The following STPG2 variants were observed in gnomAD, a reference collection of about 807,000 sequenced individuals.
The protein encoded by STPG2 is sperm-tail PG-rich repeat-containing protein 2.
A neutral mutation model predicts 54.2 loss-of-function variants in STPG2; 56 were observed. The ratio of observed to expected loss-of-function variants is 1.03; its 90% CI spans 0.83 to 1.29. The LOEUF (loss-of-function observed/expected upper bound fraction) is 1.29. STPG2 is among the 50% of genes most tolerant of loss of function. The pLI is 0.00. For missense variants in STPG2, 596 were observed against 544.9 expected, an observed-to-expected ratio of 1.09 and a Z score of -0.93; for synonymous variants, 200 against 181.8, an observed-to-expected ratio of 1.10 and a Z score of -0.81.
At chr4:97,464,471 C>T (rs1055758245) in intron 4 of STPG2, among the ~76,000 whole-genome samples, 1 of 152,114 alleles carries the variant, frequency 6.6e-6, no homozygotes, top group Non-Finnish European at 1.5e-5. Flanking sequence ...GGTTGGAGTG[C>T]AGTGGTGTGA....
At chr4:97,503,084 G>C (rs1265066990) in intron 4 of STPG2, among the ~76,000 whole-genome samples, 2 of 151,934 alleles carry the variant, frequency 1.3e-5, no homozygotes, top group Non-Finnish European at 2.9e-5. Context: ...ATTATAATAG[G>C]ATTATAAATA....
chr4:97,908,743 T>C (rs1731552511), intron 8 of STPG2, among the ~76,000 whole-genome samples: 1 of 151,428 alleles, frequency 6.6e-6, no homozygotes, highest in African/African-American at 2.4e-5. Context: ...GAAATCATCA[T>C]TCTCAGTAAA....
intron 5 of STPG2, among the ~76,000 whole-genome samples, chr4:98,023,570 G>C (rs1578791366): frequency 6.6e-6 from 1 of 152,176 alleles, no homozygotes; most frequent in Non-Finnish European, 1.5e-5. Context: ...TGTCAGACGG[G>C]GACATTTAAG....
At chr4:97,713,017 T>C (rs1724173571) in intron 9 of STPG2, among the ~76,000 whole-genome samples, 1 of 152,196 alleles carries the variant, frequency 6.6e-6, no homozygotes, top group Admixed American at 6.5e-5. Flanking sequence ...GTTTACCTAA[T>C]AATTAAATAT....
At chr4:97,615,618 C>A (rs1281068063) in intron 10 of STPG2, among the ~76,000 whole-genome samples, 3 of 151,820 alleles carry the variant, frequency 2.0e-5, no homozygotes, top group Non-Finnish European at 2.9e-5. Flanking sequence ...TACCATGGTA[C>A]ATGATATGAT....
At chr4:97,882,984 C>T (rs201606990) in intron 8 of STPG2, among the ~76,000 whole-genome samples, 1 of 113,014 alleles carries the variant, frequency 8.8e-6, no homozygotes, top group Non-Finnish European at 2.0e-5. Flanking sequence ...CATACACACA[C>T]ACACACACAC....
chr4:97,444,427 A>G (rs1729167721), intron 4 of STPG2, among the ~76,000 whole-genome samples: 2 of 152,188 alleles, frequency 1.3e-5, no homozygotes. Context: ...CATTACCTTC[A>G]AAGGAAAGAC....
At chr4:97,636,741 G>C (rs923801241) in intron 10 of STPG2, among the ~76,000 whole-genome samples, 1 of 152,172 alleles carries the variant, frequency 6.6e-6, no homozygotes, top group Non-Finnish European at 1.5e-5. Context: ...AGAAAATCTA[G>C]AAGAAATGGA....
At chr4:98,017,210 C>G (rs529520582) in intron 5 of STPG2, among the ~76,000 whole-genome samples, 78 of 152,346 alleles carry the variant, frequency 5.1e-4, no homozygotes, top group Middle Eastern at 3.4e-3. Flanking sequence ...CAAGTACCGG[C>G]TTTTTGCCTG....
At chr4:97,751,024 C>T (rs1424382942) in intron 9 of STPG2, among the ~76,000 whole-genome samples, 1 of 151,820 alleles carries the variant, frequency 6.6e-6, no homozygotes, top group Admixed American at 6.6e-5. Context: ...AGTGTTCACA[C>T]AGCAGGTCTG....
intron 7 of STPG2, among the ~76,000 whole-genome samples, chr4:97,956,884 A>G (rs1733693332): frequency 6.6e-6 from 1 of 152,148 alleles, no homozygotes; most frequent in Admixed American, 6.5e-5. Flanking sequence ...GAAGGAACCA[A>G]AATCCCAACT....
At chr4:97,981,997 G>T (rs189831945) in intron 5 of STPG2, among the ~76,000 whole-genome samples, 1 of 150,636 alleles carries the variant, frequency 6.6e-6, no homozygotes. Flanking sequence ...CCATTTTCCC[G>T]CCTCAGTCTC....
intron 8 of STPG2, among the ~76,000 whole-genome samples, chr4:97,923,733 G>T (rs1055605281): frequency 2.5e-4 from 38 of 152,172 alleles, no homozygotes; most frequent in African/African-American, 8.9e-4. Flanking sequence ...CTCAAGGTTT[G>T]TAAATGCACC....
At chr4:97,500,913 T>C (rs951502369) in intron 4 of STPG2, among the ~76,000 whole-genome samples, 14 of 151,878 alleles carry the variant, frequency 9.2e-5, no homozygotes, top group Non-Finnish European at 1.5e-5. Flanking sequence ...TTAAGGAAGT[T>C]TGCAGTAAAT....
intron 5 of STPG2, among the ~76,000 whole-genome samples, chr4:98,016,095 A>T (rs1735936970): frequency 6.6e-6 from 1 of 152,172 alleles, no homozygotes; most frequent in Non-Finnish European, 1.5e-5. Flanking sequence ...ATTAGGAGAA[A>T]TACTTAATGT....
chr4:97,569,674 G>C (rs955186824), intron 10 of STPG2, among the ~76,000 whole-genome samples: 6 of 152,054 alleles, frequency 3.9e-5, no homozygotes, highest in Non-Finnish European at 1.5e-5. Context: ...TAATATAATT[G>C]AAATTAGTGG....
chr4:97,445,458 A>G (rs937610493), intron 4 of STPG2, among the ~76,000 whole-genome samples: 2 of 152,244 alleles, frequency 1.3e-5, no homozygotes, highest in Non-Finnish European at 2.9e-5. Flanking sequence ...AAATAAACAG[A>G]CAAAAATAAT....
At chr4:97,645,232 A>G (rs368391501) in intron 10 of STPG2, among the ~76,000 whole-genome samples, 2 of 151,348 alleles carry the variant, frequency 1.3e-5, no homozygotes, top group African/African-American at 4.8e-5. Flanking sequence ...AAAAAAAAAA[A>G]TCCCCACTCA....
chr4:97,963,851 TA>T (rs1271659946), intron 7 of STPG2, among the ~76,000 whole-genome samples: 1 of 151,938 alleles, frequency 6.6e-6, no homozygotes, highest in East Asian at 1.9e-4. Context: ...TCTAGCAATC[TA>T]AAAAAATTAA....
Sources: allele counts gnomAD v4.1 joint callset (sites outside exome capture counted in the v4.1 genomes callset), GRCh38; gene constraint gnomAD v4.1.1; transcripts MANE v1.5; gene names NCBI Gene and HGNC (gene_info 2026-07-23, HGNC 2026-07-21).